RAP1GAP2: variants seen among roughly 807,000 people sequenced by gnomAD.
RAP1GAP2 encodes the protein rap1 GTPase-activating protein 2.
Under a neutral mutation model 95.0 loss-of-function variants are expected in RAP1GAP2, and 27 were observed. The ratio of observed to expected loss-of-function variants is 0.28; its 90% CI spans 0.21 to 0.39. The LOEUF (loss-of-function observed/expected upper bound fraction) is 0.39. Ranked by LOEUF, RAP1GAP2 falls within the 10% of genes least tolerant of loss-of-function variation. RAP1GAP2 has a pLI of 1.00. For missense variants in RAP1GAP2, 771 were observed against 970.0 expected (o/e 0.79, Z 2.72); for synonymous variants, 373 against 380.9 (o/e 0.98, Z 0.24).
chr17:2,893,659 C>T (rs1282088008), intron 2 of RAP1GAP2, among the ~76,000 whole-genome samples: 10 of 152,318 alleles, frequency 6.6e-5, no homozygotes, highest in South Asian at 6.2e-4. Flanking sequence ...CTGAAGCTGC[C>T]GGAGGCCGTG....
chr17:2,895,007 G>C (rs1471789158), intron 2 of RAP1GAP2, among the ~76,000 whole-genome samples: 1 of 152,120 alleles, frequency 6.6e-6, no homozygotes, highest in Non-Finnish European at 1.5e-5. Context: ...TTCAGCATGC[G>C]GCACCTTTTC....
At chr17:2,950,304 G>A (rs999243009) in intron 3 of RAP1GAP2, among the ~76,000 whole-genome samples, 6 of 151,908 alleles carry the variant, frequency 3.9e-5, no homozygotes, top group Non-Finnish European at 7.4e-5. Context: ...TGCCCACCTC[G>A]GCCTCCCAAA....
chr17:2,844,624 G>A, intron 2 of RAP1GAP2, among the ~76,000 whole-genome samples: 1 of 152,208 alleles, frequency 6.6e-6, no homozygotes, highest in South Asian at 2.1e-4. Flanking sequence ...GGGAAGATGA[G>A]CTTTGTGTTT....
chr17:2,873,001 G>A (rs2072910829), intron 2 of RAP1GAP2, among the ~76,000 whole-genome samples: 1 of 151,972 alleles, frequency 6.6e-6, no homozygotes, highest in South Asian at 2.1e-4. Context: ...TGCTTGGGAG[G>A]CTGAGGCATG....
intron 4 of RAP1GAP2, among the ~76,000 whole-genome samples, chr17:2,961,890 ATTTTT>A (rs34857082): frequency 8.9e-6 from 1 of 111,972 alleles, no homozygotes. Context: ...GACCCTAAGG[ATTTTT>A]TTTTTTTTTT....
intron 2 of RAP1GAP2, among the ~76,000 whole-genome samples, chr17:2,891,339 C>G (rs1470198093): frequency 6.6e-6 from 1 of 151,896 alleles, no homozygotes; most frequent in Non-Finnish European, 1.5e-5. Context: ...CATGGTCTCA[C>G]TATATTGCCC....
rs531085764 is a variant in RAP1GAP2, at chr17:2,917,756, C to T, written c.165+12388C>T. 3.9e-5 allele frequency among the ~76,000 whole-genome samples: 6 copies of T among 152,134 alleles called. No homozygotes were observed. The East Asian group carries it at 5.8e-4, about 15-fold the overall frequency. ...TTTGAGATGGAGTCTTGCTCTGTTGCCCAGGCTGAAGTACAATGGCACGAT... is the reference window on the plus strand; with the variant it reads ...TTTGAGATGGAGTCTTGCTCTGTTGTCCAGGCTGAAGTACAATGGCACGAT... On this transcript the variant is annotated intron_variant, in intron 3 of 24. Transcript: ENST00000254695.
chr17:2,999,781 T>TAAA (rs527596504), intron 14 of RAP1GAP2, among the ~76,000 whole-genome samples: 2 of 126,702 alleles, frequency 1.6e-5, no homozygotes, highest in African/African-American at 2.7e-5. Context: ...ACCCTGTCTC[T>TAAA]AAAAAAAAAA....
intron 14 of RAP1GAP2, among the ~76,000 whole-genome samples, chr17:2,998,725 C>T (rs188435407): frequency 4.7e-5 from 7 of 149,604 alleles, no homozygotes; most frequent in East Asian, 2.0e-4. Context: ...GCCATTTGCT[C>T]GCTGTGAGTG....
intron 11 of RAP1GAP2, among the ~76,000 whole-genome samples, chr17:2,987,750 A>G (rs1211086273): frequency 6.6e-6 from 1 of 152,236 alleles, no homozygotes; most frequent in Non-Finnish European, 1.5e-5. Context: ...AAAAAAAAAT[A>G]CTGTAAAAAG....
Position 2,904,444 on chromosome 17 carries a change from C to T in RAP1GAP2, c.81-840C>T, listed in dbSNP as rs1333416020. ...CTCTGTTTAGCTGCCTCTCTACCGT[C>T]CTAGCCCACATGGACTAAGTTAAGT... On this transcript the variant is annotated intron_variant, in intron 2 of 24. Coordinates refer to ENST00000254695, the MANE Select transcript of RAP1GAP2 (RefSeq NM_015085.5). The surrounding 1 kb of genome is among the most constrained non-coding windows in gnomAD (Gnocchi z 4.7). Among the ~76,000 whole-genome samples, 1 of 152,076 alleles carries T rather than the reference C, an allele frequency of 6.6e-6. No homozygotes were observed. Among genetic ancestry groups the T allele is most frequent in the Admixed American group, 6.6e-5 (1 of 15,264 alleles).
At chr17:2,839,088 A>C (rs1161936992) in intron 2 of RAP1GAP2, among the ~76,000 whole-genome samples, 1 of 152,148 alleles carries the variant, frequency 6.6e-6, no homozygotes, top group African/African-American at 2.4e-5. Flanking sequence ...GGATCACTTA[A>C]GGTCAGAAGT....
upstream of RAP1GAP2, among the ~76,000 whole-genome samples, chr17:2,774,883 C>T (rs908149964): frequency 7.0e-6 from 1 of 142,774 alleles, no homozygotes; most frequent in Admixed American, 7.2e-5. Context: ...TGCAGTGATG[C>T]GATCTCAGCT....
chr17:2,778,008 GGGAGGCGGGGAGGCT>G (rs2068546587), intron 1 of RAP1GAP2, among the ~76,000 whole-genome samples: 5 of 34,540 alleles, frequency 1.4e-4, no homozygotes, highest in East Asian at 4.9e-3. Context: ...CTGGGAGGCT[GGGAGGCGGGGAGGCT>G]GGGAGGCTGG....
rs746437903 is a variant in RAP1GAP2 at position 3,026,423 on chromosome 17, A to T, written c.1939A>T (p.Thr647Ser). Residue 647 changes from threonine (T) to serine (S), a missense_variant, in exon 21 of 25, where the codon ACT (threonine) becomes TCT (serine). Thr to Ser is a moderately conservative substitution (Grantham distance 58, BLOSUM62 1). Coordinates refer to ENST00000254695, the MANE Select transcript of RAP1GAP2 (RefSeq NM_015085.5). ...CTCCAGCACCAGCAGCGTCAGCAGC[A>T]CTGCAGGGGAGGGCGAGGCCATGGA... ...SSSSTSSVSS[T>S]AGEGEAMEEG... The T allele has an allele frequency of 1.9e-6, 3 of 1,552,568 alleles. No individual in the cohort carries two copies. The highest frequency in any genetic ancestry group is 2.6e-6 in the Non-Finnish European group (3 of 1,147,758).
At chr17:2,868,078 C>T (rs1408908589) in intron 2 of RAP1GAP2, among the ~76,000 whole-genome samples, 1 of 152,194 alleles carries the variant, frequency 6.6e-6, no homozygotes, top group Non-Finnish European at 1.5e-5. Context: ...GCTCTCGGCT[C>T]TGGGATTGGA....
chr17:2,779,220 C>G (rs1196392233), intron 1 of RAP1GAP2, among the ~76,000 whole-genome samples: 1 of 152,196 alleles, frequency 6.6e-6, no homozygotes, highest in African/African-American at 2.4e-5. Context: ...TGACCTTGGC[C>G]AAATTACCTG....
At chr17:2,869,928 G>A (rs913060283) in intron 2 of RAP1GAP2, among the ~76,000 whole-genome samples, 3 of 152,172 alleles carry the variant, frequency 2.0e-5, no homozygotes, top group Non-Finnish European at 1.5e-5. Context: ...CGTGAGTGGA[G>A]GGCTTGAGTT....
intron 3 of RAP1GAP2, among the ~76,000 whole-genome samples, chr17:2,956,273 C>A (rs1184562718): frequency 6.6e-6 from 1 of 152,202 alleles, no homozygotes. Flanking sequence ...TACATTCACA[C>A]GTGGGGTTTC....
Sources: gnomAD v4.1 joint callset for allele counts (sites outside exome capture counted in the v4.1 genomes callset) on GRCh38, gnomAD v4.1.1 for gene constraint, Gnocchi (gnomAD v3.1) non-coding constraint, MANE v1.5 for transcripts, NCBI Gene and HGNC (gene_info 2026-07-23, HGNC 2026-07-21) for gene names.